Variants in GRIA3 observed in about 807,000 individuals in gnomAD.
GRIA3 encodes glutamate receptor 3.
A neutral mutation model predicts 63.0 loss-of-function variants in GRIA3; 3 were observed. The ratio of observed to expected loss-of-function variants is 0.05; its 90% CI spans 0.02 to 0.12. GRIA3 has a LOEUF of 0.12. Ranked by LOEUF, GRIA3 falls within the 10% of genes least tolerant of loss-of-function variation. The probability of loss-of-function intolerance (pLI) is 1.00; values close to 1 mark genes in which losing one functional copy is unlikely to be tolerated. For missense variants in GRIA3, 347 were observed against 700.9 expected (o/e 0.50, Z 5.70); for synonymous variants, 274 against 257.9 (o/e 1.06, Z -0.60).
intron 10 of GRIA3, among the ~76,000 whole-genome samples, chrX:123,405,550 T>C (rs976058970): frequency 4.5e-5 from 5 of 111,718 alleles, no homozygotes; most frequent in African/African-American, 1.6e-4. Flanking sequence ...CCTACCTCTC[T>C]AGCTTCATCC....
rs1569440736 is a variant in GRIA3 at position 123,463,580 on chromosome X, G to GGAAGGAAGGAAGGA, written c.2077-1285_2077-1284insGAAGGAAGGAAGGA. Reference sequence around the variant, plus strand: ...GAAGGAAGGAAGGAAGGAAGGAAGGGAGGGAGGGAGGGAGGGAGGGAGGGA... The same window carrying GGAAGGAAGGAAGGA: ...GAAGGAAGGAAGGAAGGAAGGAAGGGGAAGGAAGGAAGGAAGGGAGGGAGGGAGGGAGGGAGGGA... On this transcript the variant is annotated intron_variant, in intron 12 of 15. Coordinates refer to ENST00000620443, the MANE Select transcript of GRIA3 (RefSeq NM_007325.5). Among the ~76,000 whole-genome samples, 40 of 24,752 alleles carry GGAAGGAAGGAAGGA rather than the reference G, an allele frequency of 1.6e-3. 1 individual carries two copies. Among genetic ancestry groups the GGAAGGAAGGAAGGA allele is most frequent in the African/African-American group, 9.0e-3 (28 of 3,113 alleles). 21.5% of individuals were successfully genotyped at this position (24,752 alleles called of 115,157 possible).
At chrX:123,462,755 A>G (rs1371604182) in intron 12 of GRIA3, among the ~76,000 whole-genome samples, 1 of 111,856 alleles carries the variant, frequency 8.9e-6, no homozygotes, top group East Asian at 2.8e-4. Context: ...AACTAAATAA[A>G]TAATCAAGAA....
intron 3 of GRIA3, among the ~76,000 whole-genome samples, chrX:123,274,703 G>A (rs1158299434): frequency 8.9e-6 from 1 of 112,167 alleles, no homozygotes; most frequent in East Asian, 2.8e-4. Flanking sequence ...GATGGAGGGC[G>A]CTACCAGGCC....
chrX:123,364,115 T>C (rs1012074480), intron 5 of GRIA3, among the ~76,000 whole-genome samples: 21 of 112,431 alleles, frequency 1.9e-4, no homozygotes, highest in African/African-American at 6.5e-4. Context: ...TCGATAAGTT[T>C]AGTCCAAGCA....
intron 3 of GRIA3, among the ~76,000 whole-genome samples, chrX:123,263,206 C>A (rs2044470076): frequency 8.9e-6 from 1 of 112,088 alleles, no homozygotes; most frequent in Non-Finnish European, 1.9e-5. Flanking sequence ...AAAGTGCATG[C>A]AAGCAAGGAG....
At chrX:123,363,039 G>A (rs1486627751) in intron 5 of GRIA3, among the ~76,000 whole-genome samples, 2 of 112,493 alleles carry the variant, frequency 1.8e-5, no homozygotes, top group Non-Finnish European at 3.8e-5. Flanking sequence ...CTGCTTTCTA[G>A]AAAAAGACTT....
intron 5 of GRIA3, among the ~76,000 whole-genome samples, chrX:123,357,413 T>C (rs758051780): frequency 1.0e-4 from 11 of 108,175 alleles, no homozygotes; most frequent in African/African-American, 3.7e-4. Context: ...TCCTTATTTC[T>C]ACTGACAAAC....
intron 3 of GRIA3, among the ~76,000 whole-genome samples, chrX:123,317,790 C>G (rs2044841919): frequency 8.9e-6 from 1 of 111,965 alleles, no homozygotes; most frequent in Non-Finnish European, 1.9e-5. Flanking sequence ...ATTCTGGGAT[C>G]TGGAGGATGG....
intron 2 of GRIA3, among the ~76,000 whole-genome samples, chrX:123,192,085 T>C: frequency 9.0e-6 from 1 of 111,685 alleles, no homozygotes; most frequent in Middle Eastern, 4.6e-3. Context: ...CCATAGTAGG[T>C]TGGGTGTAAG....
At chrX:123,392,858 T>C (rs1212610818) in intron 5 of GRIA3, among the ~76,000 whole-genome samples, 1 of 112,206 alleles carries the variant, frequency 8.9e-6, no homozygotes, top group African/African-American at 3.2e-5. Context: ...TGGAGTTTTA[T>C]CCTCAGCATT....
chrX:123,364,772 C>T (rs1012602590), intron 5 of GRIA3, among the ~76,000 whole-genome samples: 1 of 112,773 alleles, frequency 8.9e-6, no homozygotes, highest in African/African-American at 3.2e-5. Flanking sequence ...CAACGGAATA[C>T]TATTTAGCCA....
chrX:123,233,398 T>C (rs1430872866), intron 2 of GRIA3, among the ~76,000 whole-genome samples: 1 of 111,965 alleles, frequency 8.9e-6, no homozygotes, highest in Admixed American at 9.5e-5. Context: ...ATGCTAGCTA[T>C]GTTGAACAAG....
chrX:123,184,292 G>C lies in GRIA3; in HGVS notation c.-244G>C. On this transcript the variant is annotated 5_prime_UTR_variant, in exon 1 of 16. Transcript: ENST00000620443. ...AGAGAGGGAGCAAGAAAGGAAGAGA[G>C]AGCGAGCGAGAGAGAGCGAGCGAAT... The C allele has an allele frequency of 2.5e-6, 1 of 397,058 alleles. No individual in the cohort carries two copies. The highest frequency in any genetic ancestry group is 4.4e-6 in the Non-Finnish European group (1 of 227,759). 32.7% of individuals were successfully genotyped at this position (397,058 alleles called of 1,213,427 possible). A position where few individuals can be genotyped will look rare whatever the true frequency, so the allele number is the denominator to read the frequency against.
At position 123,226,539 on chromosome X, in the gene GRIA3, C is replaced by T. The variant is rs143916435; in HGVS notation, c.269-26764C>T. On this transcript the variant is annotated intron_variant, in intron 2 of 15. Transcript: ENST00000620443. Reference sequence around the variant, plus strand: ...ACAAAAAGTTTCATTTCTGTGCATACATACCACCCATTCTACGATAAGGTG... The same window carrying T: ...ACAAAAAGTTTCATTTCTGTGCATATATACCACCCATTCTACGATAAGGTG... Among the ~76,000 whole-genome samples, 362 of 111,502 alleles carry T rather than the reference C, an allele frequency of 3.2e-3. 1 individual carries two copies. The highest frequency in any genetic ancestry group is 0.011 in the African/African-American group (342 of 30,737).
intron 4 of GRIA3, among the ~76,000 whole-genome samples, chrX:123,340,760 T>C (rs16997323): frequency 0.047 from 5,236 of 112,067 alleles, 214 homozygotes; most frequent in African/African-American, 0.13. Flanking sequence ...TTGTGGATTT[T>C]ACTCACGGTA....
chrX:123,395,137 T>C lies in GRIA3; in HGVS notation c.912+8T>C, dbSNP rs1485799501. ...AAGAATGCACCACTAAAGGTAATGT[T>C]CCATGGCATGTAAAAAACCTAAGGC... On this transcript the variant is annotated splice_region_variant and intron_variant, in intron 6 of 15. Coordinates refer to ENST00000620443, the MANE Select transcript of GRIA3 (RefSeq NM_007325.5). The C allele has an allele frequency of 8.3e-7, 1 of 1,198,557 alleles. No individual in the cohort carries two copies. Among genetic ancestry groups the C allele is most frequent in the Middle Eastern group, 2.4e-4 (1 of 4,216 alleles).
Position 123,463,692 on chromosome X carries a change from A to AG in GRIA3, c.2077-1173_2077-1172insG, listed in dbSNP as rs1569440905. On this transcript the variant is annotated intron_variant, in intron 12 of 15. Transcript: ENST00000620443. The stretch of plus-strand genomic sequence containing the variant: ...AGAAAGAAAGAAAGAAAGAGAGAGA[A>AG]AGAAAGAAAAAGAAAGAAAGAAAGA... Among the ~76,000 whole-genome samples the AG allele has an allele frequency of 2.0e-4, 6 of 30,583 alleles. No homozygotes were observed. In the East Asian group the frequency reaches 2.6e-3, roughly 13 times the overall value. 26.6% of individuals were successfully genotyped at this position (30,583 alleles called of 115,157 possible).
intron 13 of GRIA3, among the ~76,000 whole-genome samples, chrX:123,471,232 G>C (rs1362030953): frequency 9.0e-6 from 1 of 111,497 alleles, no homozygotes; most frequent in Non-Finnish European, 1.9e-5. Context: ...GGGACCTGTT[G>C]CCTTAAGAAC....
intron 4 of GRIA3, among the ~76,000 whole-genome samples, chrX:123,328,657 G>A (rs748915996): frequency 8.9e-6 from 1 of 111,956 alleles, no homozygotes; most frequent in East Asian, 2.8e-4. Flanking sequence ...CAGAGTAACT[G>A]GCACATAGTG....
Sources: gnomAD v4.1 joint callset for allele counts (sites outside exome capture counted in the v4.1 genomes callset) on GRCh38, gnomAD v4.1.1 for gene constraint, MANE v1.5 for transcripts, NCBI Gene and HGNC (gene_info 2026-07-23, HGNC 2026-07-21) for gene names.